Variants in MICU2 observed in about 807,000 individuals in gnomAD.
MICU2 encodes calcium uptake protein 2, mitochondrial.
In MICU2, 64 loss-of-function variants were observed where a neutral mutation model predicts 60.4. The ratio of observed to expected loss-of-function variants is 1.06; its 90% CI spans 0.87 to 1.31. The LOEUF is 1.31. Among genes scored for constraint, MICU2 ranks in the 50% most tolerant of loss-of-function variants. The probability of loss-of-function intolerance (pLI) is 0.00; values close to 1 mark genes in which losing one functional copy is unlikely to be tolerated. For missense variants in MICU2, 569 were observed against 531.0 expected (o/e 1.07, Z -0.70); for synonymous variants, 201 against 175.0 (o/e 1.15, Z -1.17).
rs1423850145 is a variant in MICU2, at chr13:21,517,789, A to ACGCG, written c.598-3372_598-3371insCGCG. 1.6e-3 allele frequency among the ~76,000 whole-genome samples: 149 copies of ACGCG among 96,078 alleles called. 1 individual carries two copies. The highest frequency in any genetic ancestry group is 9.0e-4 in the Admixed American group (9 of 10,012). 63.0% of individuals were successfully genotyped at this position (96,078 alleles called of 152,430 possible). A position where few individuals can be genotyped will look rare whatever the true frequency, so the allele number is the denominator to read the frequency against. ...AGCGAGGACACACACACACACACAC[A>ACGCG]CACACACACACGCGCGCGCGCGCGC... On this transcript the variant is annotated intron_variant, in intron 6 of 11. Transcript: ENST00000382374.
chr13:21,590,959 C>A (rs1053083350), intron 1 of MICU2, among the ~76,000 whole-genome samples: 1 of 152,086 alleles, frequency 6.6e-6, no homozygotes, highest in Admixed American at 6.6e-5. Context: ...AATGACATTA[C>A]GAAGAAACTG....
At chr13:21,519,858 C>T (rs966005038) in intron 6 of MICU2, among the ~76,000 whole-genome samples, 2 of 152,204 alleles carry the variant, frequency 1.3e-5, no homozygotes, top group African/African-American at 2.4e-5. Flanking sequence ...AATTTGTATA[C>T]AGTAAAATGT....
At chr13:21,587,362 T>C (rs375798420) in intron 1 of MICU2, among the ~76,000 whole-genome samples, 1 of 152,206 alleles carries the variant, frequency 6.6e-6, no homozygotes, top group African/African-American at 2.4e-5. Context: ...TGAAGAAACC[T>C]GACAGATGTC....
chr13:21,531,455 C>A, intron 4 of MICU2: 1 of 641,346 alleles, frequency 1.6e-6, no homozygotes, highest in Non-Finnish European at 2.8e-6. Flanking sequence ...TGCTTTTTAA[C>A]AAGAACTGAT....
intron 4 of MICU2, among the ~76,000 whole-genome samples, chr13:21,532,165 G>C (rs1420213340): frequency 6.6e-6 from 1 of 152,300 alleles, no homozygotes; most frequent in African/African-American, 2.4e-5. Flanking sequence ...AACATCTACA[G>C]ATTTTTCTTC....
At chr13:21,597,887 C>T (rs183053245) in intron 1 of MICU2, among the ~76,000 whole-genome samples, 76 of 139,958 alleles carry the variant, frequency 5.4e-4, no homozygotes, top group African/African-American at 1.9e-3. Context: ...GTGGAGATCA[C>T]GCCACTGCAC....
At chr13:21,539,515 AT>A in intron 3 of MICU2, 138 bp from the exon 4 acceptor site, 1 of 1,312,018 alleles carries the variant, frequency 7.6e-7, no homozygotes, top group Non-Finnish European at 1.1e-6. Flanking sequence ...GTTAGCCAGG[AT>A]GGTGATCTCC....
At chr13:21,590,645 G>A (rs562249655) in intron 1 of MICU2, among the ~76,000 whole-genome samples, 2 of 152,326 alleles carry the variant, frequency 1.3e-5, no homozygotes, top group Middle Eastern at 6.8e-3. Context: ...GGGAGGTCAA[G>A]AGATCGAGAC....
At position 21,604,082 on chromosome 13, in the gene MICU2, C is replaced by A; in HGVS notation, c.67G>T (p.Ala23Ser). The change falls in exon 1 of 12, where the codon GCT (alanine) becomes TCT (serine). Residue 23 changes from alanine to serine, a missense_variant. Physicochemically the swap from Ala to Ser is moderately conservative, Grantham distance 99 (BLOSUM62 1). Transcript: ENST00000382374. Reference protein sequence around the residue: ...AWGGKLRRGLAVSRQAVRSPG... With the variant: ...AWGGKLRRGLSVSRQAVRSPG... ...CTCCGCACAGCCTGTCGGCTGACAG[C>A]GAGCCCCCGTCGCAGTTTTCCGCCC... 2 of 1,597,202 alleles carry A rather than the reference C, an allele frequency of 1.3e-6. No homozygotes were observed. Among genetic ancestry groups the A allele is most frequent in the African/African-American group, 1.4e-5 (1 of 73,800 alleles).
chr13:21,559,547 C>CA (rs1887790047), intron 2 of MICU2, among the ~76,000 whole-genome samples: 1 of 145,834 alleles, frequency 6.9e-6, no homozygotes, highest in African/African-American at 2.5e-5. Context: ...TTTTTTGAGA[C>CA]AGAGTCTTGC....
At position 21,603,988 on chromosome 13, in the gene MICU2, C is replaced by G. The variant is rs769721021; in HGVS notation, c.161G>C (p.Ser54Thr). The change falls in exon 1 of 12, where the codon AGC (serine) becomes ACC (threonine). Residue 54 changes from serine to threonine, a missense_variant. Ser to Thr is a moderately conservative substitution (Grantham distance 58, BLOSUM62 1). Transcript: ENST00000382374. Reference protein sequence around the residue: ...LAGAGAAWHHSRVSVAARDGS... With the variant: ...LAGAGAAWHHTRVSVAARDGS... ...ATCCCGCGCCGCAACACTGACGCGG[C>G]TGTGGTGCCAGGCCGCTCCTGCTCC... The G allele has an allele frequency of 6.2e-7, 1 of 1,612,052 alleles. No individual in the cohort carries two copies. Among genetic ancestry groups the G allele is most frequent in the South Asian group, 1.1e-5 (1 of 91,052 alleles).
rs7325693 is a variant in MICU2 at position 21,589,072 on chromosome 13, G to T, written c.210+14867C>A. On this transcript the variant is annotated intron_variant, in intron 1 of 11. Transcript: ENST00000382374. ...GCCTTAGACATGATATTAGCAGAAAGAGTAGGAGTTTGCATCATGATTAAA... is the reference window on the plus strand; with the variant it reads ...GCCTTAGACATGATATTAGCAGAAATAGTAGGAGTTTGCATCATGATTAAA... Among the ~76,000 whole-genome samples, 3 of 152,144 alleles carry T rather than the reference G, an allele frequency of 2.0e-5. No homozygotes were observed. The South Asian group carries it at 6.2e-4, about 31-fold the overall frequency.
At position 21,518,274 on chromosome 13, in the gene MICU2, G is replaced by T. The variant is rs193252197; in HGVS notation, c.597+2971C>A. On this transcript the variant is annotated intron_variant, in intron 6 of 11. Transcript: ENST00000382374. Reference sequence around the variant, plus strand: ...TACAATAAGGACTGTATGGTAAAAGGCGCATCAGTGTAGCTCTGTGAAAAC... The same window carrying T: ...TACAATAAGGACTGTATGGTAAAAGTCGCATCAGTGTAGCTCTGTGAAAAC... Among the ~76,000 whole-genome samples the T allele has an allele frequency of 2.6e-5, 4 of 152,294 alleles. No homozygotes were observed. The East Asian group carries it at 7.7e-4, about 29-fold the overall frequency.
At chr13:21,596,986 G>T (rs1311159831) in intron 1 of MICU2, among the ~76,000 whole-genome samples, 1 of 152,076 alleles carries the variant, frequency 6.6e-6, no homozygotes, top group Admixed American at 6.6e-5. Context: ...ACCAGTTGAA[G>T]CATCTCAATA....
At chr13:21,539,798 TA>T in intron 2 of MICU2, 110 bp from the exon 3 acceptor site, 4 of 1,015,470 alleles carry the variant, frequency 3.9e-6, no homozygotes, top group Non-Finnish European at 4.3e-6. Context: ...AATATTTATT[TA>T]AAAAGCAAAG....
At chr13:21,566,425 A>AT (rs1270047921) in intron 2 of MICU2, among the ~76,000 whole-genome samples, 1 of 151,698 alleles carries the variant, frequency 6.6e-6, no homozygotes, top group African/African-American at 2.4e-5. Flanking sequence ...CTTGTTTCTC[A>AT]TTTTTTTCAG....
chr13:21,571,530 T>C (rs1286049641), intron 1 of MICU2, among the ~76,000 whole-genome samples: 1 of 152,102 alleles, frequency 6.6e-6, no homozygotes, highest in Admixed American at 6.5e-5. Flanking sequence ...ACCCCGTCTC[T>C]ACAAAAAATA....
At chr13:21,529,010 G>A (rs956522128) in intron 4 of MICU2, among the ~76,000 whole-genome samples, 1 of 152,006 alleles carries the variant, frequency 6.6e-6, no homozygotes, top group Non-Finnish European at 1.5e-5. Context: ...GGCAAGAGAG[G>A]ACAGCAGGGA....
chr13:21,503,861 C>T (rs1416161436), intron 8 of MICU2, among the ~76,000 whole-genome samples: 1 of 152,068 alleles, frequency 6.6e-6, no homozygotes, highest in Non-Finnish European at 1.5e-5. Context: ...TTCACTTTTC[C>T]ACATGTGAAA....
Sources: allele counts gnomAD v4.1 joint callset (sites outside exome capture counted in the v4.1 genomes callset), GRCh38; gene constraint gnomAD v4.1.1; transcripts MANE v1.5; gene names NCBI Gene and HGNC (gene_info 2026-07-23, HGNC 2026-07-21).